Variants in INPP5D observed in about 807,000 individuals in gnomAD.
INPP5D encodes the protein inositol polyphosphate-5-phosphatase D.
Under a neutral mutation model 122.9 loss-of-function variants are expected in INPP5D, and 33 were observed. That is an observed-to-expected ratio of 0.27 (90% CI 0.20 to 0.36). The LOEUF (loss-of-function observed/expected upper bound fraction) is 0.36, where lower values mean the gene tolerates loss of function less well. Among genes scored for constraint, INPP5D ranks in the 10% least tolerant of loss-of-function variants. INPP5D has a pLI of 1.00. For missense variants in INPP5D, 1,053 were observed against 1,412.7 expected (o/e 0.75, Z 4.08); for synonymous variants, 584 against 576.2 (o/e 1.01, Z -0.19).
intron 1 of INPP5D, among the ~76,000 whole-genome samples, chr2:233,070,388 G>A (rs556078934): frequency 2.6e-5 from 4 of 151,434 alleles, no homozygotes; most frequent in Non-Finnish European, 4.4e-5. Flanking sequence ...TACAAGGCAG[G>A]TGGGTTATGA....
In INPP5D at chr2:233,167,369, A is replaced by G. The variant is rs923224157; in HGVS notation, c.1556-1936A>G. On this transcript the variant is annotated intron_variant, in intron 13 of 26. Transcript: ENST00000445964. ...CTGGGCGACACAGACTTTGTCTCAA[A>G]TTAGAAAAAAAAATACAAACACTCG... Among the ~76,000 whole-genome samples, 112 of 151,334 alleles carry G rather than the reference A, an allele frequency of 7.4e-4. 10 individuals are homozygous for G. Among genetic ancestry groups the G allele is most frequent in the Non-Finnish European group, 7.4e-5 (5 of 67,946 alleles).
chr2:233,111,759 T>C (rs1312360012), intron 2 of INPP5D, among the ~76,000 whole-genome samples: 5 of 152,324 alleles, frequency 3.3e-5, no homozygotes, highest in Non-Finnish European at 7.4e-5. Flanking sequence ...TACTAGTTTT[T>C]GCTTTTAATA....
chr2:233,157,626 A>T (rs1574772494), intron 9 of INPP5D, among the ~76,000 whole-genome samples: 1 of 149,902 alleles, frequency 6.7e-6, no homozygotes, highest in East Asian at 2.0e-4. Flanking sequence ...ATTGGCAGGG[A>T]GTCAAGTTGG....
At chr2:233,155,053 G>T (rs1694010914) in intron 9 of INPP5D, among the ~76,000 whole-genome samples, 2 of 151,812 alleles carry the variant, frequency 1.3e-5, no homozygotes, top group South Asian at 2.1e-4. Flanking sequence ...CAGATAAAAA[G>T]AAATGGGCCT....
Position 233,204,244 on chromosome 2 carries a change from G to T in INPP5D, c.3094G>T (p.Ala1032Ser). Residue 1032 changes from alanine (A) to serine (S), a missense_variant, in exon 26 of 27, where the codon GCT (alanine) becomes TCT (serine). By Grantham distance (99) the Ala-to-Ser change is moderately conservative. Around this residue, in one of 6 missense-constraint regions of INPP5D, gnomAD observed 417 missense variants for 425.8 expected, o/e 0.98. Coordinates refer to ENST00000445964, the MANE Select transcript of INPP5D (RefSeq NM_001017915.3). ...YGSLSSFPKP[A>S]PRKDQESPKM... ...GTCCCTGAGTTCCTTCCCTAAGCCT[G>T]CTCCCAGGAAGGACCAGGAATCCCC... The T allele has an allele frequency of 6.2e-7, 1 of 1,613,564 alleles. No individual in the cohort carries two copies. Among genetic ancestry groups the T allele is most frequent in the Non-Finnish European group, 8.5e-7 (1 of 1,179,858 alleles).
At chr2:233,196,329 G>A (rs543749473) in intron 24 of INPP5D, among the ~76,000 whole-genome samples, 70 of 152,344 alleles carry the variant, frequency 4.6e-4, no homozygotes, top group African/African-American at 1.6e-3. Flanking sequence ...GTGACGGAAA[G>A]TTCAGTTTGA....
chr2:233,165,694 G>A (rs1694315621), intron 13 of INPP5D, among the ~76,000 whole-genome samples: 1 of 152,130 alleles, frequency 6.6e-6, no homozygotes, highest in Admixed American at 6.5e-5. Context: ...CTATGTATGT[G>A]AGTCCATGTA....
chr2:233,166,187 C>T (rs1419893711), intron 13 of INPP5D, among the ~76,000 whole-genome samples: 2 of 152,158 alleles, frequency 1.3e-5, no homozygotes, highest in African/African-American at 4.8e-5. Context: ...GGTGTGGATT[C>T]CATCGCTCCC....
chr2:233,081,691 G>T (rs768346076), intron 2 of INPP5D, among the ~76,000 whole-genome samples: 97 of 152,176 alleles, frequency 6.4e-4, no homozygotes, highest in Non-Finnish European at 8.8e-4. Flanking sequence ...AGGGGTAAGG[G>T]GTGGGCAGCC....
At chr2:233,150,439 T>A (rs565722885) in intron 9 of INPP5D, among the ~76,000 whole-genome samples, 22 of 152,340 alleles carry the variant, frequency 1.4e-4, no homozygotes, top group African/African-American at 5.1e-4. Context: ...CTCTTTCCTT[T>A]ATAAATTACC....
At chr2:233,107,631 G>T (rs574628188) in intron 2 of INPP5D, among the ~76,000 whole-genome samples, 1 of 152,148 alleles carries the variant, frequency 6.6e-6, no homozygotes, top group African/African-American at 2.4e-5. Context: ...AGTTGGGGCT[G>T]GTTGGAATGA....
At chr2:233,150,092 T>C (rs1416186370) in intron 9 of INPP5D, among the ~76,000 whole-genome samples, 1 of 152,134 alleles carries the variant, frequency 6.6e-6, no homozygotes, top group East Asian at 1.9e-4. Context: ...AGAAAGGCTG[T>C]GTGGAAAGTG....
Position 233,198,279 on chromosome 2 carries a change from A to T in INPP5D, c.2878A>T (p.Ser960Cys), listed in dbSNP as rs776846482. 1.9e-6 allele frequency: 3 copies of T among 1,613,346 alleles called. No homozygotes were observed. Among genetic ancestry groups the T allele is most frequent in the Admixed American group, 1.7e-5 (1 of 60,006 alleles). The change falls in exon 25 of 27, where the codon AGT becomes TGT. Residue 960 changes from serine to cysteine, a missense_variant. Ser to Cys is a moderately radical substitution (Grantham distance 112). Around this residue, in one of 6 missense-constraint regions of INPP5D, gnomAD observed 417 missense variants for 425.8 expected, o/e 0.98. Coordinates refer to ENST00000445964, the MANE Select transcript of INPP5D (RefSeq NM_001017915.3). ...CCCGCTGGGGCCCTGCAGGGGAGAA[A>T]GTCCTCCGACACCTCCCGGCCAGCC... is the stretch of plus-strand genomic sequence containing the variant. The part of the protein sequence containing the change: ...DSPLGPCRGE[S>C]PPTPPGQPPI...
intron 1 of INPP5D, among the ~76,000 whole-genome samples, chr2:233,071,766 A>G (rs573078951): frequency 2.0e-5 from 3 of 152,218 alleles, no homozygotes; most frequent in South Asian, 4.1e-4. Context: ...TCTTATTACT[A>G]TTGTGAATAC....
intron 18 of INPP5D, among the ~76,000 whole-genome samples, chr2:233,180,328 G>A (rs1694749786): frequency 6.6e-6 from 1 of 151,422 alleles, no homozygotes; most frequent in Non-Finnish European, 1.5e-5. Flanking sequence ...TTGCTATTAT[G>A]TTCAGTACAT....
intron 4 of INPP5D, among the ~76,000 whole-genome samples, chr2:233,129,536 G>T (rs1309426339): frequency 6.6e-6 from 1 of 152,206 alleles, no homozygotes; most frequent in Non-Finnish European, 1.5e-5. Flanking sequence ...CACCAGGGTT[G>T]ATCTGCACAG....
At chr2:233,201,188 T>C (rs1695330823) in intron 25 of INPP5D, among the ~76,000 whole-genome samples, 1 of 152,018 alleles carries the variant, frequency 6.6e-6, no homozygotes, top group African/African-American at 2.4e-5. Flanking sequence ...GCCCTGGAAA[T>C]ATGAGGACAA....
At chr2:233,184,682 C>CA (rs1203471426) in intron 20 of INPP5D, among the ~76,000 whole-genome samples, 161 bp downstream of exon 20, 1 of 152,212 alleles carries the variant, frequency 6.6e-6, no homozygotes, top group African/African-American at 2.4e-5. Context: ...AGGGGACACT[C>CA]AGTTATTGTG....
At chr2:233,154,557 A>G (rs1008340942) in intron 9 of INPP5D, among the ~76,000 whole-genome samples, 1 of 152,202 alleles carries the variant, frequency 6.6e-6, no homozygotes, top group African/African-American at 2.4e-5. Context: ...CACCAGACCA[A>G]CTCAAAATTA....
Sources: gnomAD v4.1 joint callset for allele counts (sites outside exome capture counted in the v4.1 genomes callset) on GRCh38, gnomAD v4.1.1 for gene constraint, gnomAD v4.1.1 regional missense constraint, MANE v1.5 for transcripts, NCBI Gene and HGNC (gene_info 2026-07-23, HGNC 2026-07-21) for gene names.